Variants in WDR37 observed in about 807,000 individuals in gnomAD.
WDR37 encodes the protein WD repeat domain 37.
A neutral mutation model predicts 62.9 loss-of-function variants in WDR37; 19 were observed. The observed-to-expected ratio is 0.30, with a 90% CI of 0.21 to 0.44. The LOEUF is 0.44. Ranked by LOEUF, WDR37 falls within the 20% of genes least tolerant of loss-of-function variation. The pLI is 1.00. For synonymous variants in WDR37, 250 were observed against 260.9 expected (o/e 0.96, Z 0.40); for missense variants, 474 against 657.6 (o/e 0.72, Z 3.05).
In WDR37 at chr10:1,126,462, G is replaced by A. The variant is rs189945108; in HGVS notation, c.1353+1438G>A. ...AGGCAGCGTCTGCCCAGCCTTGTGC[G>A]TAATGGAGGCCCCCCCAGAGGATCC... On this transcript the variant is annotated intron_variant, in intron 13 of 13. Coordinates refer to ENST00000263150, the MANE Select transcript of WDR37 (RefSeq NM_014023.4). Among the ~76,000 whole-genome samples the A allele has an allele frequency of 8.5e-5, 13 of 152,198 alleles. No homozygotes were observed. The South Asian group carries it at 1.0e-3, about 12-fold the overall frequency.
At position 1,084,551 on chromosome 10, in the gene WDR37, C is replaced by T. The variant is rs200269131; in HGVS notation, c.532+13C>T. ...ACTGCATCAGCCGGTGAGTCGCACACGGACCTGGCCAGCCTGCGGAAGCAT... is the reference window on the plus strand; with the variant it reads ...ACTGCATCAGCCGGTGAGTCGCACATGGACCTGGCCAGCCTGCGGAAGCAT... On this transcript the variant is annotated intron_variant, in intron 6 of 13. Coordinates refer to ENST00000263150, the MANE Select transcript of WDR37 (RefSeq NM_014023.4). The T allele has an allele frequency of 2.9e-5, 47 of 1,607,884 alleles. No homozygotes were observed. Among genetic ancestry groups the T allele is most frequent in the African/African-American group, 1.3e-4 (10 of 74,748 alleles).
At chr10:1,070,163 G>A (rs1282005145) in intron 1 of WDR37, among the ~76,000 whole-genome samples, 3 of 149,170 alleles carry the variant, frequency 2.0e-5, no homozygotes, top group East Asian at 3.9e-4. Flanking sequence ...AGCTGAGATC[G>A]TGCAACTCCA....
At chr10:1,107,184 G>A (rs1383447927) in intron 11 of WDR37, among the ~76,000 whole-genome samples, 1 of 152,226 alleles carries the variant, frequency 6.6e-6, no homozygotes, top group African/African-American at 2.4e-5. Context: ...AGCTCGGGGA[G>A]CGCTGCTTCC....
Position 1,072,169 on chromosome 10 carries a change from G to A in WDR37, c.14G>A (p.Ser5Asn), listed in dbSNP as rs767695186. The change falls in exon 2 of 14, where the codon AGC becomes AAC. Residue 5 changes from serine to asparagine, a missense_variant. By Grantham distance (46) the Ser-to-Asn change is conservative. Coordinates refer to ENST00000263150, the MANE Select transcript of WDR37 (RefSeq NM_014023.4). MPTESASCSTARQTK... is the reference protein window; with the variant it reads MPTENASCSTARQTK... The stretch of plus-strand genomic sequence containing the variant: ...CTCCTAGAAGTAATGCCCACAGAAA[G>A]CGCAAGTTGTTCGACTGCTCGCCAA... 3 of 1,614,138 alleles carry A rather than the reference G, an allele frequency of 1.9e-6. No individual in the cohort carries two copies. The highest frequency in any genetic ancestry group is 2.2e-5 in the South Asian group (2 of 91,082).
chr10:1,126,312 A>G lies in WDR37; in HGVS notation c.1353+1288A>G, dbSNP rs575289089. 5.4e-4 allele frequency among the ~76,000 whole-genome samples: 81 copies of G among 150,316 alleles called. 1 individual carries two copies. The Middle Eastern group carries it at 0.01, about 19-fold the overall frequency. Reference sequence around the variant, plus strand: ...TCCCAGCTACTCGGGAGGCTGAGGCAGGAGAATGGCGTGAACCCAGGAGGC... The same window carrying G: ...TCCCAGCTACTCGGGAGGCTGAGGCGGGAGAATGGCGTGAACCCAGGAGGC... On this transcript the variant is annotated intron_variant, in intron 13 of 13. Coordinates refer to ENST00000263150, the MANE Select transcript of WDR37 (RefSeq NM_014023.4).
At chr10:1,098,326 GT>G (rs34462108) in intron 9 of WDR37, among the ~76,000 whole-genome samples, 103 of 120,280 alleles carry the variant, frequency 8.6e-4, no homozygotes, top group East Asian at 3.9e-3. Context: ...CCATCTGTCC[GT>G]TTTTTTTTTT....
chr10:1,065,773 G>A lies in WDR37; in HGVS notation c.-40-6343G>A, dbSNP rs186075716. On this transcript the variant is annotated intron_variant, in intron 1 of 13. Coordinates refer to ENST00000263150, the MANE Select transcript of WDR37 (RefSeq NM_014023.4). ...TTTTCACCCGAATATTCAGGGCAAA[G>A]CAAGGGTGTTTGCTGTCACTATAGT... Among the ~76,000 whole-genome samples the A allele has an allele frequency of 4.7e-3, 714 of 152,328 alleles. 5 individuals carry two copies. Among genetic ancestry groups the A allele is most frequent in the African/African-American group, 0.016 (668 of 41,576 alleles).
rs1204095855 is a variant in WDR37 at position 1,105,778 on chromosome 10, A to T, written c.1103+511A>T. On this transcript the variant is annotated intron_variant, in intron 11 of 13. Coordinates refer to ENST00000263150, the MANE Select transcript of WDR37 (RefSeq NM_014023.4). The surrounding 1 kb of genome is among the most constrained non-coding windows in gnomAD (Gnocchi z 5.3). Reference sequence around the variant, plus strand: ...TCTCTGCTTGGGTTTCTCTCCGGCAACTCAAGTGTAAGGTCTTTTTTTTCT... The same window carrying T: ...TCTCTGCTTGGGTTTCTCTCCGGCATCTCAAGTGTAAGGTCTTTTTTTTCT... Among the ~76,000 whole-genome samples, 1 of 151,748 alleles carries T rather than the reference A, an allele frequency of 6.6e-6. No homozygotes were observed. Among genetic ancestry groups the T allele is most frequent in the African/African-American group, 2.4e-5 (1 of 41,280 alleles).
intron 11 of WDR37, among the ~76,000 whole-genome samples, chr10:1,106,163 T>G (rs1364143555): frequency 1.3e-5 from 2 of 152,202 alleles, no homozygotes; most frequent in Non-Finnish European, 2.9e-5. Flanking sequence ...CAGTCAATGA[T>G]GAGACCGTCT....
At chr10:1,113,439 G>C (rs1360565752) in intron 11 of WDR37, among the ~76,000 whole-genome samples, 1 of 152,158 alleles carries the variant, frequency 6.6e-6, no homozygotes, top group Non-Finnish European at 1.5e-5. Context: ...GAGTCATTTT[G>C]ACTTTTGAGT....
intron 7 of WDR37, among the ~76,000 whole-genome samples, chr10:1,091,356 G>C (rs1834382438): frequency 6.6e-6 from 1 of 152,216 alleles, no homozygotes; most frequent in African/African-American, 2.4e-5. Context: ...TAGCTCCATT[G>C]AGTGCTTAAG....
intron 11 of WDR37, chr10:1,123,928 G>A (rs1835663053): frequency 8.5e-6 from 3 of 354,646 alleles, no homozygotes; most frequent in African/African-American, 4.1e-5. Context: ...AGACATTTGG[G>A]CATGTTCTGT....
intron 7 of WDR37, among the ~76,000 whole-genome samples, chr10:1,090,272 C>T (rs576704173): frequency 5.2e-4 from 79 of 152,332 alleles, no homozygotes; most frequent in African/African-American, 1.9e-3. Flanking sequence ...GATTCTCCTG[C>T]TTCGGCCTCC....
intron 11 of WDR37, among the ~76,000 whole-genome samples, chr10:1,107,967 G>A (rs772064344): frequency 6.6e-6 from 1 of 152,060 alleles, no homozygotes; most frequent in Non-Finnish European, 1.5e-5. Flanking sequence ...CTTCACCTAG[G>A]TTCACCTGTT....
intron 6 of WDR37, 97 bp downstream of exon 6, chr10:1,084,635 A>T: frequency 6.5e-7 from 1 of 1,539,936 alleles, no homozygotes; most frequent in Non-Finnish European, 8.8e-7. Flanking sequence ...GGAACCCTAG[A>T]TGCAAAAGCG....
At chr10:1,084,144 C>G (rs1834117724) in intron 5 of WDR37, among the ~76,000 whole-genome samples, 1 of 152,158 alleles carries the variant, frequency 6.6e-6, no homozygotes, top group South Asian at 2.1e-4. Context: ...ACCTTCCATG[C>G]CTGGCTGTCA....
intron 9 of WDR37, among the ~76,000 whole-genome samples, chr10:1,102,241 C>T (rs1165745681): frequency 6.6e-6 from 1 of 150,620 alleles, no homozygotes; most frequent in Non-Finnish European, 1.5e-5. Context: ...CGTGCGATCC[C>T]GTGCCGCTGT....
chr10:1,076,769 A>G (rs9783192), intron 2 of WDR37, among the ~76,000 whole-genome samples: 149,042 of 152,044 alleles, frequency 0.98, 73,105 homozygotes, highest in Middle Eastern at 1. Context: ...TCAGCCAGGC[A>G]CAGTGGCTCA....
chr10:1,113,648 A>C (rs761341916), intron 11 of WDR37, among the ~76,000 whole-genome samples: 1 of 152,230 alleles, frequency 6.6e-6, no homozygotes, highest in Non-Finnish European at 1.5e-5. Context: ...CAAGGCTTCA[A>C]TGGAGAAAGT....
Sources: gnomAD v4.1 joint callset for allele counts (sites outside exome capture counted in the v4.1 genomes callset) on GRCh38, gnomAD v4.1.1 for gene constraint, Gnocchi (gnomAD v3.1) non-coding constraint, MANE v1.5 for transcripts, NCBI Gene and HGNC (gene_info 2026-07-23, HGNC 2026-07-21) for gene names.